CUL4A: variants seen among roughly 807,000 people sequenced by gnomAD.
CUL4A encodes the protein cullin 4A.
Under a neutral mutation model 95.5 loss-of-function variants are expected in CUL4A, and 16 were observed. The observed-to-expected ratio is 0.17, with a 90% CI of 0.11 to 0.25. The LOEUF is 0.25. Among genes scored for constraint, CUL4A ranks in the 10% least tolerant of loss-of-function variants. CUL4A has a pLI of 1.00. For synonymous variants in CUL4A, 380 were observed against 353.1 expected (o/e 1.08, Z -0.85); for missense variants, 610 against 937.0 (o/e 0.65, Z 4.56).
upstream of CUL4A, chr13:113,208,470 CG>C: frequency 5.2e-6 from 8 of 1,531,482 alleles, no homozygotes; most frequent in Admixed American, 9.9e-5. Flanking sequence ...GGCTGCCCGC[CG>C]GGGACCCGAA....
intron 18 of CUL4A, among the ~76,000 whole-genome samples, chr13:113,258,680 C>T (rs531499172): frequency 4.4e-4 from 67 of 152,260 alleles, no homozygotes; most frequent in African/African-American, 1.5e-3. Flanking sequence ...CAGTCTTTTC[C>T]AGCAGAGAGG....
chr13:113,262,146 G>T (rs1159080615), intron 19 of CUL4A, among the ~76,000 whole-genome samples: 9 of 152,122 alleles, frequency 5.9e-5, no homozygotes, highest in Non-Finnish European at 1.3e-4. Flanking sequence ...GAAAATAGAG[G>T]GTCTCCCTTG....
upstream of CUL4A, among the ~76,000 whole-genome samples, chr13:113,209,094 C>T (rs1353597601): frequency 6.7e-6 from 1 of 149,776 alleles, no homozygotes; most frequent in Non-Finnish European, 1.5e-5. Flanking sequence ...AAGGTGCCTC[C>T]GCCGCGCGCT....
At chr13:113,245,464 C>A (rs2041831868) in intron 14 of CUL4A, among the ~76,000 whole-genome samples, 2 of 152,108 alleles carry the variant, frequency 1.3e-5, no homozygotes, top group Admixed American at 1.3e-4. Context: ...GTGAGAAGAT[C>A]ACTTGAGCCC....
intron 5 of CUL4A, among the ~76,000 whole-genome samples, chr13:113,231,510 T>C (rs1482529749): frequency 6.6e-6 from 1 of 152,092 alleles, no homozygotes; most frequent in Non-Finnish European, 1.5e-5. Context: ...GGTTGATGTT[T>C]TAAAGAGAAG....
At position 113,232,186 on chromosome 13, in the gene CUL4A, G is replaced by GTCACCACTACCCGCCCACCACCATTA. The variant is rs1566343636; in HGVS notation, c.513-991_513-990insTCACCACTACCCGCCCACCACCATTA. On this transcript the variant is annotated intron_variant, in intron 5 of 19. Coordinates refer to ENST00000375440, the MANE Select transcript of CUL4A (RefSeq NM_001008895.4). ...CCACTACCCGCCCACCACCATTACT[G>GTCACCACTACCCGCCCACCACCATTA]CTGCCACCACTACCCGCCCACCACC... Among the ~76,000 whole-genome samples the GTCACCACTACCCGCCCACCACCATTA allele has an allele frequency of 4.5e-4, 3 of 6,668 alleles. 1 individual carries two copies. Among genetic ancestry groups the GTCACCACTACCCGCCCACCACCATTA allele is most frequent in the Non-Finnish European group, 7.3e-4 (2 of 2,748 alleles). 4.4% of individuals were successfully genotyped at this position (6,668 alleles called of 152,430 possible). A position where few individuals can be genotyped will look rare whatever the true frequency, so the allele number is the denominator to read the frequency against.
At chr13:113,210,944 T>C (rs529729834) in intron 2 of CUL4A, among the ~76,000 whole-genome samples, 86 of 152,374 alleles carry the variant, frequency 5.6e-4, no homozygotes, top group African/African-American at 1.9e-3. Context: ...GTCTGAAGTG[T>C]AAGTGGATGA....
intron 2 of CUL4A, among the ~76,000 whole-genome samples, chr13:113,215,761 T>G (rs113578742): frequency 9.7e-6 from 1 of 102,912 alleles, no homozygotes; most frequent in African/African-American, 3.1e-5. Context: ...GAGGTCGCTG[T>G]GTGACTATGG....
chr13:113,245,333 A>C (rs987904852), intron 14 of CUL4A, 96 bp downstream of exon 14: 1 of 1,106,582 alleles, frequency 9.0e-7, no homozygotes. Flanking sequence ...AGGCAGAGGC[A>C]AGAGACGTTC....
At chr13:113,254,126 A>G (rs2042062407) in intron 16 of CUL4A, among the ~76,000 whole-genome samples, 2 of 152,064 alleles carry the variant, frequency 1.3e-5, no homozygotes, top group African/African-American at 4.8e-5. Flanking sequence ...AGGGCTTGTT[A>G]TGGGCTTGTG....
At position 113,244,524 on chromosome 13, in the gene CUL4A, G is replaced by A. The variant is rs779672653; in HGVS notation, c.1333+10G>A. The A allele has an allele frequency of 1.6e-5, 26 of 1,596,934 alleles. No individual in the cohort carries two copies. The highest frequency in any genetic ancestry group is 4.5e-5 in the East Asian group (2 of 44,658). On this transcript the variant is annotated intron_variant, in intron 12 of 19. Coordinates refer to ENST00000375440, the MANE Select transcript of CUL4A (RefSeq NM_001008895.4). ...TTCAGGTTTATCCACGGTGAGACTC[G>A]GGCACTCAGAAAATGCTGCATAATC...
At chr13:113,262,373 C>G (rs186753996) in intron 19 of CUL4A, among the ~76,000 whole-genome samples, 1 of 152,266 alleles carries the variant, frequency 6.6e-6, no homozygotes, top group East Asian at 1.9e-4. Flanking sequence ...AACTACAGGC[C>G]AGGCGCACTG....
In CUL4A at chr13:113,233,216, T is replaced by A. The variant is rs774717751; in HGVS notation, c.552T>A (p.Ser184Arg). 1.9e-6 allele frequency: 3 copies of A among 1,614,088 alleles called. No homozygotes were observed. Among genetic ancestry groups the A allele is most frequent in the Non-Finnish European group, 2.5e-6 (3 of 1,179,962 alleles). The change falls in exon 6 of 20, where the codon AGT becomes AGA. Residue 184 changes from serine (S) to arginine (R), a missense_variant. Physicochemically the swap from Ser to Arg is moderately radical, Grantham distance 110 (BLOSUM62 -1). Coordinates refer to ENST00000375440, the MANE Select transcript of CUL4A (RefSeq NM_001008895.4). ...AACTGTTTAGAACCCATATTATTAG[T>A]GATAAAATGGTTCAGAGTAAAACCA... Reference protein sequence around the residue: ...GLELFRTHIISDKMVQSKTID... With the variant: ...GLELFRTHIIRDKMVQSKTID...
At chr13:113,211,343 T>C (rs2040435091) in intron 2 of CUL4A, among the ~76,000 whole-genome samples, 1 of 152,250 alleles carries the variant, frequency 6.6e-6, no homozygotes, top group Non-Finnish European at 1.5e-5. Flanking sequence ...TTTTATCCAT[T>C]CACCAGTTAA....
At chr13:113,252,109 TCA>T (rs1213676317) in intron 15 of CUL4A, among the ~76,000 whole-genome samples, 1 of 151,114 alleles carries the variant, frequency 6.6e-6, no homozygotes, top group African/African-American at 2.4e-5. Context: ...CATGGGAGAG[TCA>T]CACACAGCCT....
At chr13:113,215,555 G>T (rs116589189) in intron 2 of CUL4A, among the ~76,000 whole-genome samples, 2,433 of 151,564 alleles carry the variant, frequency 0.016, 50 homozygotes, top group African/African-American at 0.055. Context: ...GACTATGGAG[G>T]TCACGTCCCA....
rs556238713 is a variant in CUL4A, at chr13:113,264,079, G to C, written c.*497G>C. On this transcript the variant is annotated 3_prime_UTR_variant, in exon 20 of 20. Transcript: ENST00000375440. Reference sequence around the variant, plus strand: ...ATGGGTGAACATTAGAAAGAGCCAGGGTTCAAAGCTGGCGAATGGATGACG... The same window carrying C: ...ATGGGTGAACATTAGAAAGAGCCAGCGTTCAAAGCTGGCGAATGGATGACG... 6.6e-6 allele frequency: 1 copy of C among 152,542 alleles called. No homozygotes were observed. The highest frequency in any genetic ancestry group is 2.1e-4 in the South Asian group (1 of 4,820). 9.4% of individuals were successfully genotyped at this position (152,542 alleles called of 1,614,324 possible). A position where few individuals can be genotyped will look rare whatever the true frequency, so the allele number is the denominator to read the frequency against.
At chr13:113,252,553 C>T (rs2042021096) in intron 15 of CUL4A, among the ~76,000 whole-genome samples, 1 of 152,186 alleles carries the variant, frequency 6.6e-6, no homozygotes, top group African/African-American at 2.4e-5. Flanking sequence ...GAAATTCACC[C>T]AGAAACTAAT....
At chr13:113,242,121 C>T (rs1483303787) in intron 10 of CUL4A, among the ~76,000 whole-genome samples, 2 of 152,096 alleles carry the variant, frequency 1.3e-5, no homozygotes, top group East Asian at 3.9e-4. Flanking sequence ...TCAAGACCAT[C>T]CTGGCCAACA....
Sources: gnomAD v4.1 joint callset for allele counts (sites outside exome capture counted in the v4.1 genomes callset) on GRCh38, gnomAD v4.1.1 for gene constraint, MANE v1.5 for transcripts, NCBI Gene and HGNC (gene_info 2026-07-23, HGNC 2026-07-21) for gene names.